The following TJP3 variants were observed in gnomAD, a reference collection of about 807,000 sequenced individuals.
The protein encoded by TJP3 is tight junction protein ZO-3.
In TJP3, 85 loss-of-function variants were observed where a neutral mutation model predicts 104.2. That is an observed-to-expected ratio of 0.82 (90% CI 0.68 to 0.98). The LOEUF is 0.98. TJP3 is among the 50% of genes least tolerant of loss of function. The probability of loss-of-function intolerance (pLI) is 0.00; values close to 1 mark genes in which losing one functional copy is unlikely to be tolerated. For synonymous variants in TJP3, 550 were observed against 550.6 expected (o/e 1.00, Z 0.02); for missense variants, 1,367 against 1,322.8 (o/e 1.03, Z -0.52).
intron 1 of TJP3, among the ~76,000 whole-genome samples, chr19:3,727,853 A>G (rs1452801498): frequency 6.6e-6 from 1 of 152,078 alleles, no homozygotes; most frequent in Non-Finnish European, 1.5e-5. Flanking sequence ...GAGGCAGGAG[A>G]ATCACTTGAA....
chr19:3,746,402 C>T lies in TJP3; in HGVS notation c.2011-83C>T, dbSNP rs1038022854. The T allele has an allele frequency of 1.3e-4, 191 of 1,492,098 alleles. No homozygotes were observed. The highest frequency in any genetic ancestry group is 8.7e-4 in the Middle Eastern group (5 of 5,758). 92.4% of individuals were successfully genotyped at this position (1,492,098 alleles called of 1,614,324 possible). A position where few individuals can be genotyped will look rare whatever the true frequency, so the allele number is the denominator to read the frequency against. ...GAGAGGCTGGGGTCCACTCTGACCTCAGACTCTTCATCTTTCTATCTTTCT... is the reference window on the plus strand; with the variant it reads ...GAGAGGCTGGGGTCCACTCTGACCTTAGACTCTTCATCTTTCTATCTTTCT... On this transcript the variant is annotated intron_variant, in intron 16 of 20. Coordinates refer to ENST00000541714, the MANE Select transcript of TJP3 (RefSeq NM_001267560.2). This position sits in a 1 kb window ranked among gnomAD's most constrained non-coding sequence, Gnocchi z 4.1.
intron 1 of TJP3, chr19:3,721,825 G>A (rs2036544864): frequency 2.1e-6 from 2 of 959,880 alleles, no homozygotes; most frequent in Non-Finnish European, 2.7e-6. Context: ...CCCAGCCCGG[G>A]GTGGGGGCCG....
chr19:3,741,366 A>G (rs958057367), intron 14 of TJP3, among the ~76,000 whole-genome samples: 12 of 152,150 alleles, frequency 7.9e-5, no homozygotes, highest in African/African-American at 2.9e-4. Context: ...GCTGCTTGGG[A>G]AGCTGAGGCA....
chr19:3,743,742 G>A (rs1321462672), intron 14 of TJP3, 197 bp from the exon 15 acceptor site: 1 of 555,272 alleles, frequency 1.8e-6, no homozygotes, highest in African/African-American at 1.9e-5. Flanking sequence ...TTCTGCTAGT[G>A]TTCCATTGGC....
At chr19:3,743,744 T>C in intron 14 of TJP3, 195 bp from the exon 15 acceptor site, 1 of 556,154 alleles carries the variant, frequency 1.8e-6, no homozygotes, top group South Asian at 2.3e-5. Flanking sequence ...CTGCTAGTGT[T>C]CCATTGGCCA....
chr19:3,744,964 T>G (rs1005122026), intron 15 of TJP3, among the ~76,000 whole-genome samples: 20 of 151,862 alleles, frequency 1.3e-4, no homozygotes, highest in African/African-American at 4.8e-4. Flanking sequence ...ATTGCAAATT[T>G]TGGCTGGGTG....
At chr19:3,735,506 C>A (rs1474086248) in intron 8 of TJP3, 60 bp from the exon 9 acceptor site, 10 of 1,574,364 alleles carry the variant, frequency 6.4e-6, no homozygotes, top group African/African-American at 5.4e-5. Context: ...GCCTAAAATT[C>A]TTTTTAAAAT....
Position 3,710,934 on chromosome 19 carries a change from C to T in TJP3, c.-10+2373C>T, listed in dbSNP as rs148355483. ...TTTATATTTTTTTGAAACGGAGTCT[C>T]GCTCTGTCGCCCAGGCTGGAGTGCG... On this transcript the variant is annotated intron_variant, in intron 1 of 20. Coordinates refer to ENST00000541714, the MANE Select transcript of TJP3 (RefSeq NM_001267560.2). 5.4e-3 allele frequency among the ~76,000 whole-genome samples: 817 copies of T among 152,196 alleles called. 4 individuals are homozygous for T. The highest frequency in any genetic ancestry group is 0.01 in the Middle Eastern group (3 of 294).
chr19:3,723,980 C>G (rs1457162543), intron 1 of TJP3, among the ~76,000 whole-genome samples: 1 of 151,884 alleles, frequency 6.6e-6, no homozygotes, highest in Non-Finnish European at 1.5e-5. Flanking sequence ...GTCCCAGATT[C>G]AGGGGACAGA....
intron 1 of TJP3, among the ~76,000 whole-genome samples, chr19:3,725,910 T>C (rs952391353): frequency 7.9e-5 from 12 of 152,182 alleles, no homozygotes; most frequent in African/African-American, 2.9e-4. Context: ...ACTTGGGATT[T>C]GAGTCCAGTC....
chr19:3,716,801 ATTT>A (rs1215459660), intron 1 of TJP3, among the ~76,000 whole-genome samples: 37 of 81,934 alleles, frequency 4.5e-4, no homozygotes, highest in African/African-American at 1.5e-3. Flanking sequence ...ATATATATAT[ATTT>A]TTTTTTTTTT....
At chr19:3,726,596 T>G (rs2036598486) in intron 1 of TJP3, among the ~76,000 whole-genome samples, 1 of 151,328 alleles carries the variant, frequency 6.6e-6, no homozygotes, top group Non-Finnish European at 1.5e-5. Context: ...TTTTTTTGTT[T>G]TTTTTTTTTC....
intron 1 of TJP3, chr19:3,721,962 T>C: frequency 2.2e-6 from 1 of 448,864 alleles, no homozygotes; most frequent in Non-Finnish European, 3.5e-6. Context: ...TGAGGTGGGG[T>C]GGGGGGAAAG....
intron 9 of TJP3, 75 bp downstream of exon 9, chr19:3,735,714 G>A (rs2036729705): frequency 1.2e-5 from 19 of 1,601,606 alleles, no homozygotes; most frequent in Non-Finnish European, 1.6e-5. Flanking sequence ...AGGCAGAGCT[G>A]GGGGAGGTTG....
Position 3,733,840 on chromosome 19 carries a change from C to G in TJP3, c.805C>G (p.Leu269Val). 1 of 1,614,230 alleles carries G rather than the reference C, an allele frequency of 6.2e-7. No homozygotes were observed. Among genetic ancestry groups the G allele is most frequent in the South Asian group, 1.1e-5 (1 of 91,092 alleles). The part of the protein sequence containing the change: ...KSEGKLSLLV[L>V]RDRGQFLVNI... ...AGAAGGGAAGCTAAGCCTGCTGGTG[C>G]TGAGAGATCGTGGGCAGTTCCTGGT... Residue 269 changes from leucine to valine, a missense_variant, in exon 7 of 21, where the codon CTG becomes GTG. Leu to Val is a conservative substitution (Grantham distance 32, BLOSUM62 1). Transcript: ENST00000541714.
chr19:3,717,113 G>A lies in TJP3; in HGVS notation c.-10+8552G>A, dbSNP rs1239399897. On this transcript the variant is annotated intron_variant, in intron 1 of 20. Coordinates refer to ENST00000541714, the MANE Select transcript of TJP3 (RefSeq NM_001267560.2). Reference sequence around the variant, plus strand: ...CTCTAGTAGCTGGGATTACAGGCATGTGCCACCACACCCAGCTAATTTTGT... The same window carrying A: ...CTCTAGTAGCTGGGATTACAGGCATATGCCACCACACCCAGCTAATTTTGT... Among the ~76,000 whole-genome samples the A allele has an allele frequency of 1.4e-5, 2 of 144,806 alleles. 1 individual carries two copies. Among genetic ancestry groups the A allele is most frequent in the African/African-American group, 4.9e-5 (2 of 40,564 alleles). 95.0% of individuals were successfully genotyped at this position (144,806 alleles called of 152,430 possible).
chr19:3,710,283 C>A (rs1361154479), intron 1 of TJP3, among the ~76,000 whole-genome samples: 1 of 65,908 alleles, frequency 1.5e-5, no homozygotes, highest in Non-Finnish European at 3.1e-5. Context: ...CGGTCCGAAT[C>A]GGAGTCTGGT....
chr19:3,723,554 G>A (rs1292834872), intron 1 of TJP3, among the ~76,000 whole-genome samples: 2 of 151,984 alleles, frequency 1.3e-5, no homozygotes, highest in African/African-American at 4.8e-5. Flanking sequence ...CACTTTGGGA[G>A]GCTGAGGGAG....
chr19:3,738,211 G>A (rs1179199576), intron 11 of TJP3, among the ~76,000 whole-genome samples: 1 of 152,182 alleles, frequency 6.6e-6, no homozygotes, highest in Non-Finnish European at 1.5e-5. Context: ...GTTCTTTTGA[G>A]CATTTCACAC....
Sources: allele counts gnomAD v4.1 joint callset (sites outside exome capture counted in the v4.1 genomes callset), GRCh38; gene constraint gnomAD v4.1.1; non-coding constraint Gnocchi (gnomAD v3.1); transcripts MANE v1.5; gene names NCBI Gene and HGNC (gene_info 2026-07-23, HGNC 2026-07-21).